The following LCLAT1 variants were observed in gnomAD, a reference collection of about 807,000 sequenced individuals.
LCLAT1 encodes the protein lysocardiolipin acyltransferase 1.
LCLAT1 carries 11 observed loss-of-function variants against 30.7 expected under a neutral mutation model. The observed-to-expected ratio is 0.36, with a 90% CI of 0.23 to 0.59. The LOEUF (loss-of-function observed/expected upper bound fraction) is 0.59. LCLAT1 is among the 20% of genes least tolerant of loss of function. The pLI is 0.77. For missense variants in LCLAT1, 402 were observed against 458.6 expected (o/e 0.88, Z 1.13); for synonymous variants, 155 against 151.3 (o/e 1.02, Z -0.18).
chr2:30,536,323 C>T (rs988325722), intron 3 of LCLAT1, among the ~76,000 whole-genome samples: 1 of 152,156 alleles, frequency 6.6e-6, no homozygotes, highest in African/African-American at 2.4e-5. Context: ...GCTGAAAAGG[C>T]CTTCTCCAAG....
At chr2:30,630,941 G>T (rs957592914) in intron 5 of LCLAT1, among the ~76,000 whole-genome samples, 1 of 152,184 alleles carries the variant, frequency 6.6e-6, no homozygotes, top group Non-Finnish European at 1.5e-5. Flanking sequence ...GAAATAGAAA[G>T]CCTGTTCAAA....
intron 1 of LCLAT1, among the ~76,000 whole-genome samples, chr2:30,510,496 AGGTTTGT>A (rs1252262054): frequency 6.6e-6 from 1 of 152,090 alleles, no homozygotes; most frequent in Non-Finnish European, 1.5e-5. Context: ...CCTTTCTAGA[AGGTTTGT>A]GGAACGTTCT....
chr2:30,541,313 GC>G (rs1195668435), intron 3 of LCLAT1, among the ~76,000 whole-genome samples: 1 of 152,046 alleles, frequency 6.6e-6, no homozygotes, highest in African/African-American at 2.4e-5. Flanking sequence ...GAGGAGTTGA[GC>G]CCAGGAGTTT....
chr2:30,599,626 G>C (rs1250436963), intron 5 of LCLAT1, among the ~76,000 whole-genome samples: 1 of 152,142 alleles, frequency 6.6e-6, no homozygotes, highest in African/African-American at 2.4e-5. Flanking sequence ...TATGAAACTA[G>C]GTGCTCCTGT....
intron 5 of LCLAT1, among the ~76,000 whole-genome samples, chr2:30,591,172 G>A (rs1388504224): frequency 2.0e-5 from 3 of 152,006 alleles, no homozygotes; most frequent in African/African-American, 7.2e-5. Context: ...ACTGAAATTG[G>A]AACTAAGTGT....
chr2:30,640,474 A>G lies in LCLAT1; in HGVS notation c.986A>G (p.Tyr329Cys), dbSNP rs1269552319. The G allele has an allele frequency of 6.2e-7, 1 of 1,614,110 alleles. No homozygotes were observed. The highest frequency in any genetic ancestry group is 2.2e-5 in the East Asian group (1 of 44,890). Reference sequence around the variant, plus strand: ...GCAATGTGCCTACTCATATATTTGTACAGTCTTGTTAAGTGGTATTTTATA... The same window carrying G: ...GCAATGTGCCTACTCATATATTTGTGCAGTCTTGTTAAGTGGTATTTTATA... ...SPAMCLLIYLYSLVKWYFIIT... is the reference protein window; with the variant it reads ...SPAMCLLIYLCSLVKWYFIIT... The change falls in exon 6 of 6, where the codon TAC (tyrosine) becomes TGC (cysteine). Residue 329 changes from tyrosine to cysteine, a missense_variant. Coordinates refer to ENST00000379509, the MANE Select transcript of LCLAT1 (RefSeq NM_001002257.3).
Position 30,462,299 on chromosome 2 carries a change from TG to T in LCLAT1, c.-5+14917del, listed in dbSNP as rs564623549. Among the ~76,000 whole-genome samples the T allele has an allele frequency of 6.5e-4, 99 of 152,280 alleles. 1 individual carries two copies. The South Asian group carries it at 0.012, about 18-fold the overall frequency. On this transcript the variant is annotated intron_variant, in intron 1 of 5. Coordinates refer to ENST00000379509, the MANE Select transcript of LCLAT1 (RefSeq NM_001002257.3). ...TATCTCCAGTAAGTTGCACTGGAGA[TG>T]AAAGTGTATAATTGGAAAGTTAGAG...
At chr2:30,601,188 T>G (rs888463785) in intron 5 of LCLAT1, among the ~76,000 whole-genome samples, 1 of 152,180 alleles carries the variant, frequency 6.6e-6, no homozygotes, top group African/African-American at 2.4e-5. Flanking sequence ...GCTCCTGTAA[T>G]ATTTTATCAT....
chr2:30,619,650 CA>C (rs1480958633), intron 5 of LCLAT1, among the ~76,000 whole-genome samples: 8 of 152,168 alleles, frequency 5.3e-5, no homozygotes, highest in Non-Finnish European at 1.0e-4. Flanking sequence ...CAACCCAGCC[CA>C]GGTAAATAAC....
At chr2:30,631,590 T>C (rs557618160) in intron 5 of LCLAT1, among the ~76,000 whole-genome samples, 60 of 152,370 alleles carry the variant, frequency 3.9e-4, no homozygotes, top group Non-Finnish European at 7.6e-4. Context: ...TAGAGGTCAA[T>C]GTTTATCACA....
intron 1 of LCLAT1, among the ~76,000 whole-genome samples, chr2:30,469,574 CTTTTTTTTTTTTTT>C (rs199634493): frequency 1.9e-5 from 2 of 103,838 alleles, no homozygotes; most frequent in African/African-American, 4.1e-5. Flanking sequence ...CAGGTCTCTT[CTTTTTTTTTTTTTT>C]TTTTTTTTGA....
At chr2:30,462,677 A>G (rs1431816721) in intron 1 of LCLAT1, among the ~76,000 whole-genome samples, 1 of 152,210 alleles carries the variant, frequency 6.6e-6, no homozygotes, top group East Asian at 1.9e-4. Flanking sequence ...CTTTGAAGCT[A>G]GAGTTGTTTA....
intron 5 of LCLAT1, among the ~76,000 whole-genome samples, chr2:30,580,594 A>C (rs1666172408): frequency 6.6e-6 from 1 of 152,134 alleles, no homozygotes; most frequent in Non-Finnish European, 1.5e-5. Flanking sequence ...AGAAAGGGGA[A>C]GCTGCCTCAA....
intron 1 of LCLAT1, among the ~76,000 whole-genome samples, chr2:30,502,745 T>C (rs1320790004): frequency 2.6e-5 from 4 of 152,204 alleles, no homozygotes; most frequent in Non-Finnish European, 5.9e-5. Context: ...CTGATAGATA[T>C]ACCACTTTTG....
chr2:30,536,124 G>A (rs1264153634), intron 3 of LCLAT1, among the ~76,000 whole-genome samples: 1 of 152,078 alleles, frequency 6.6e-6, no homozygotes, highest in East Asian at 1.9e-4. Flanking sequence ...AAGAAAGAAT[G>A]AAGAAAGCTT....
intron 1 of LCLAT1, among the ~76,000 whole-genome samples, chr2:30,452,364 A>G (rs932710930): frequency 4.6e-5 from 7 of 151,986 alleles, no homozygotes; most frequent in Non-Finnish European, 8.8e-5. Flanking sequence ...GCTCCAGGAG[A>G]CAAATGATGA....
rs562684103 is a variant in LCLAT1, at chr2:30,471,727, A to G, written c.-5+24344A>G. On this transcript the variant is annotated intron_variant, in intron 1 of 5. Coordinates refer to ENST00000379509, the MANE Select transcript of LCLAT1 (RefSeq NM_001002257.3). ...AAACATAGTTGGTTTTTGTGTGTTG[A>G]TCTCGTACCCTTCAACTTTGCTGAA... 4.6e-5 allele frequency among the ~76,000 whole-genome samples: 7 copies of G among 152,056 alleles called. No individual in the cohort carries two copies. In the South Asian group the frequency reaches 1.5e-3, roughly 32 times the overall value.
chr2:30,610,475 T>C (rs1667684457), intron 5 of LCLAT1, among the ~76,000 whole-genome samples: 1 of 152,166 alleles, frequency 6.6e-6, no homozygotes, highest in African/African-American at 2.4e-5. Context: ...CACTTGTGTA[T>C]CAAGGTCTGG....
chr2:30,598,414 C>A (rs867073273), intron 5 of LCLAT1, among the ~76,000 whole-genome samples: 3 of 135,948 alleles, frequency 2.2e-5, no homozygotes, highest in African/African-American at 8.1e-5. Context: ...TCTAGATTTT[C>A]TTTTTTTTTT....
Sources: gnomAD v4.1 joint callset for allele counts (sites outside exome capture counted in the v4.1 genomes callset) on GRCh38, gnomAD v4.1.1 for gene constraint, MANE v1.5 for transcripts, NCBI Gene and HGNC (gene_info 2026-07-23, HGNC 2026-07-21) for gene names.